Variants in LITAF observed in about 807,000 individuals in gnomAD.
LITAF encodes the protein lipopolysaccharide induced TNF factor.
In LITAF, 9 loss-of-function variants were observed where a neutral mutation model predicts 14.5. That is an observed-to-expected ratio of 0.62 (90% CI 0.37 to 1.08). The LOEUF is 1.08. Among genes scored for constraint, LITAF ranks in the 50% least tolerant of loss-of-function variants. The pLI is 0.01. For missense variants in LITAF, 206 were observed against 213.4 expected (o/e 0.97, Z 0.22); for synonymous variants, 98 against 88.2 (o/e 1.11, Z -0.62).
chr16:11,631,625 A>G (rs2065118072), intron 3 of LITAF, among the ~76,000 whole-genome samples: 1 of 152,190 alleles, frequency 6.6e-6, no homozygotes, highest in South Asian at 2.1e-4. Flanking sequence ...CCTGGGCTCA[A>G]AGGATTCACC....
chr16:11,552,620 T>C (rs1043200617), intron 3 of LITAF, among the ~76,000 whole-genome samples: 18 of 152,010 alleles, frequency 1.2e-4, no homozygotes, highest in African/African-American at 4.1e-4. Context: ...CAGGGCGTGG[T>C]TTCAGCAGAT....
intron 1 of LITAF, among the ~76,000 whole-genome samples, chr16:11,578,563 G>A (rs1267335565): frequency 6.6e-6 from 1 of 152,162 alleles, no homozygotes; most frequent in Non-Finnish European, 1.5e-5. Flanking sequence ...CTACAAGCGA[G>A]AAAATCTGGC....
chr16:11,560,497 G>T (rs544160271), intron 1 of LITAF, among the ~76,000 whole-genome samples: 15 of 150,536 alleles, frequency 1.0e-4, no homozygotes, highest in Non-Finnish European at 1.5e-4. Flanking sequence ...TGTAATCCCA[G>T]CACTTAACCT....
intron 1 of LITAF, among the ~76,000 whole-genome samples, chr16:11,595,496 G>A (rs927108578): frequency 2.6e-5 from 4 of 152,304 alleles, no homozygotes; most frequent in East Asian, 1.9e-4. Context: ...TTGGGAGGCC[G>A]AGGCGGGTGG....
At chr16:11,623,148 G>T (rs1011799876) in intron 3 of LITAF, among the ~76,000 whole-genome samples, 11 of 151,122 alleles carry the variant, frequency 7.3e-5, no homozygotes, top group Non-Finnish European at 1.3e-4. Context: ...ATTTTTAGTA[G>T]AGACGGGTTT....
intron 1 of LITAF, among the ~76,000 whole-genome samples, chr16:11,568,313 G>A (rs1026013964): frequency 2.0e-5 from 3 of 151,496 alleles, no homozygotes; most frequent in African/African-American, 7.3e-5. Context: ...AGAAAAGAGA[G>A]AGGGTAGTTC....
chr16:11,617,248 G>T (rs778580006), intron 3 of LITAF, among the ~76,000 whole-genome samples: 1 of 151,814 alleles, frequency 6.6e-6, no homozygotes, highest in African/African-American at 2.4e-5. Context: ...AAATAAAAAA[G>T]ATGCCAGCAC....
At chr16:11,637,593 G>A (rs182617299), upstream of LITAF, among the ~76,000 whole-genome samples, 1 of 152,326 alleles carries the variant, frequency 6.6e-6, no homozygotes, top group East Asian at 1.9e-4. Flanking sequence ...ACGTGCACAA[G>A]CCTGCTATTC....
At chr16:11,621,736 T>C (rs1321300663) in intron 3 of LITAF, among the ~76,000 whole-genome samples, 1 of 151,782 alleles carries the variant, frequency 6.6e-6, no homozygotes, top group Non-Finnish European at 1.5e-5. Context: ...TGACACCTTG[T>C]AGTGTGTGTT....
At chr16:11,555,376 A>T (rs2141711025) in intron 2 of LITAF, among the ~76,000 whole-genome samples, 1 of 152,274 alleles carries the variant, frequency 6.6e-6, no homozygotes, top group South Asian at 2.1e-4. Context: ...AGTTATTTGG[A>T]CCAGGCTCTG....
exon 2 of LITAF, chr16:11,635,896 C>G (rs2065136219): frequency 6.6e-6 from 1 of 152,274 alleles, no homozygotes. Context: ...TGGGGCCAGA[C>G]TCGGGCTCTG....
chr16:11,564,565 A>AT (rs57661522), intron 1 of LITAF, among the ~76,000 whole-genome samples: 11,325 of 142,228 alleles, frequency 0.08, 408 homozygotes, highest in Middle Eastern at 0.1. Flanking sequence ...AGAATCTTGA[A>AT]TTTTTTTTTT....
Position 11,556,687 on chromosome 16 carries a change from G to A in LITAF, c.44C>T (p.Ser15Leu), listed in dbSNP as rs138041990. 455 of 1,614,086 alleles carry A rather than the reference G, an allele frequency of 2.8e-4. No individual in the cohort carries two copies. Among genetic ancestry groups the A allele is most frequent in the Non-Finnish European group, 3.7e-4 (435 of 1,180,056 alleles). ...GPYQAATGPS[S>L]APSAPPSYEE... ...ATAGGATGGAGGTGCGGATGGTGCT[G>A]AGGAAGGCCCAGTGGCCGCCTGGTA... Residue 15 changes from serine (S) to leucine (L), a missense_variant, in exon 2 of 4, where the codon TCA (serine) becomes TTA (leucine). Ser to Leu is a moderately radical substitution (Grantham distance 145). Coordinates refer to ENST00000622633, the MANE Select transcript of LITAF (RefSeq NM_001136472.2).
intron 1 of LITAF, among the ~76,000 whole-genome samples, chr16:11,578,560 C>G (rs531324455): frequency 2.6e-5 from 4 of 152,188 alleles, no homozygotes; most frequent in Non-Finnish European, 5.9e-5. Context: ...AAACTACAAG[C>G]GAGAAAATCT....
At chr16:11,628,905 A>G (rs1346680721) in intron 3 of LITAF, among the ~76,000 whole-genome samples, 2 of 152,132 alleles carry the variant, frequency 1.3e-5, no homozygotes, top group African/African-American at 4.8e-5. Flanking sequence ...CGAACTCCTG[A>G]CCTCAAGTGA....
intron 3 of LITAF, among the ~76,000 whole-genome samples, chr16:11,604,371 C>T (rs2064943726): frequency 6.6e-6 from 1 of 152,188 alleles, no homozygotes; most frequent in South Asian, 2.1e-4. Context: ...ATTTAATCCT[C>T]ATTACGACCC....
chr16:11,585,218 G>A (rs1443810412), intron 1 of LITAF, among the ~76,000 whole-genome samples: 1 of 144,580 alleles, frequency 6.9e-6, no homozygotes, highest in Non-Finnish European at 1.5e-5. Context: ...AGGCGACAGT[G>A]AGACTCTGTC....
chr16:11,572,253 G>C (rs2064554734), intron 1 of LITAF, among the ~76,000 whole-genome samples: 1 of 151,848 alleles, frequency 6.6e-6, no homozygotes, highest in Admixed American at 6.6e-5. Context: ...AGGTACGCAG[G>C]GTCTGCACGA....
chr16:11,612,261 G>T (rs1350226789), intron 3 of LITAF, among the ~76,000 whole-genome samples: 2 of 152,194 alleles, frequency 1.3e-5, no homozygotes, highest in African/African-American at 4.8e-5. Flanking sequence ...CAGTGAGTCA[G>T]ACCAGGTCAT....
Sources: gnomAD v4.1 joint callset for allele counts (sites outside exome capture counted in the v4.1 genomes callset) on GRCh38, gnomAD v4.1.1 for gene constraint, MANE v1.5 for transcripts, NCBI Gene and HGNC (gene_info 2026-07-23, HGNC 2026-07-21) for gene names.